COLEC10: variants seen among roughly 807,000 people sequenced by gnomAD.
COLEC10 encodes collectin-10.
Under a neutral mutation model 28.4 loss-of-function variants are expected in COLEC10, and 22 were observed. The observed-to-expected ratio is 0.78, with a 90% confidence interval of 0.55 to 1.11. The LOEUF (loss-of-function observed/expected upper bound fraction) is 1.11. COLEC10 is among the 50% of genes least tolerant of loss of function. The pLI is 0.00. For missense variants in COLEC10, 361 were observed against 344.1 expected, an observed-to-expected ratio of 1.05 and a Z score of -0.39; for synonymous variants, 125 against 116.1, an observed-to-expected ratio of 1.08 and a Z score of -0.49.
chr8:118,955,020 A>G, the COLEC10 span, among the ~76,000 whole-genome samples: 3,490 of 152,306 alleles, frequency 0.023, 123 homozygotes, highest in African/African-American at 0.078. Flanking sequence ...GAAAATTGGA[A>G]ATACCGGTTC....
intron 2 of COLEC10, among the ~76,000 whole-genome samples, chr8:119,056,562 T>C (rs1390854438): frequency 6.6e-6 from 1 of 152,002 alleles, no homozygotes; most frequent in African/African-American, 2.4e-5. Flanking sequence ...GGAGAAGTCA[T>C]GGTTGCTGGC....
chr8:119,080,586 A>G (rs1815348441), intron 1 of COLEC10, among the ~76,000 whole-genome samples: 1 of 152,164 alleles, frequency 6.6e-6, no homozygotes. Context: ...TAGGATTTAT[A>G]AAGAGATAAA....
chr8:119,106,069 G>A lies in COLEC10; in HGVS notation c.712G>A (p.Glu238Lys), dbSNP rs1349655533. The A allele has an allele frequency of 1.9e-6, 3 of 1,613,768 alleles. No individual in the cohort carries two copies. The highest frequency in any genetic ancestry group is 2.2e-5 in the East Asian group (1 of 44,886). The change falls in exon 6 of 6, where the codon GAA (glutamate) becomes AAA (lysine). Residue 238 changes from glutamate to lysine, a missense_variant. Around this residue, in one of 3 missense-constraint regions of COLEC10, gnomAD observed 335 missense variants for 308.5 expected, o/e 1.09. Transcript: ENST00000332843. ...LQNYSNWNEG[E>K]PSDPYGHEDC... is the part of the protein sequence containing the mutation. ...GAACTATAGCAACTGGAATGAGGGG[G>A]AACCCAGCGACCCCTATGGTCATGA...
chr8:119,013,595 C>G (rs1813938056), intron 2 of COLEC10, among the ~76,000 whole-genome samples: 1 of 150,782 alleles, frequency 6.6e-6, no homozygotes, highest in Non-Finnish European at 1.5e-5. Context: ...TCAACCATAA[C>G]AGTGGATTAA....
chr8:119,089,754 A>G lies in COLEC10; in HGVS notation c.220+3A>G. On this transcript the variant is annotated splice_donor_region_variant and intron_variant, in intron 2 of 5. Transcript: ENST00000332843. ...AGTGGGACGCATGGGGCCGAAAGGT[A>G]ACTAAAATGATGTGAAACTGACATT... 1 of 1,611,268 alleles carries G rather than the reference A, an allele frequency of 6.2e-7. No homozygotes were observed. Among genetic ancestry groups the G allele is most frequent in the Non-Finnish European group, 8.5e-7 (1 of 1,177,578 alleles).
At chr8:119,040,429 T>C (rs1263190510) in intron 2 of COLEC10, among the ~76,000 whole-genome samples, 1 of 152,200 alleles carries the variant, frequency 6.6e-6, no homozygotes, top group Admixed American at 6.5e-5. Flanking sequence ...AACTGTATTC[T>C]AAACCATAAG....
chr8:119,067,099 A>G (rs1814978961), upstream of COLEC10: 1 of 574,908 alleles, frequency 1.7e-6, no homozygotes, highest in Non-Finnish European at 3.1e-6. Flanking sequence ...TGGACAATGT[A>G]TGGTCCATTT....
the COLEC10 span, among the ~76,000 whole-genome samples, chr8:118,971,796 A>G: frequency 6.6e-6 from 1 of 152,014 alleles, no homozygotes; most frequent in African/African-American, 2.4e-5. Flanking sequence ...AGAGTAGTGT[A>G]GTGGTGTCAG....
intron 1 of COLEC10, among the ~76,000 whole-genome samples, chr8:119,079,705 CA>C (rs1401941047): frequency 7.2e-6 from 1 of 138,138 alleles, no homozygotes. Flanking sequence ...TTGAAAACGA[CA>C]AAAAAAGATA....
chr8:118,959,627 C>G, the COLEC10 span, among the ~76,000 whole-genome samples: 1 of 152,176 alleles, frequency 6.6e-6, no homozygotes. Flanking sequence ...GTGGAGACAG[C>G]TATTAGGTCA....
At chr8:118,983,815 G>A in the COLEC10 span, among the ~76,000 whole-genome samples, 7,808 of 152,060 alleles carry the variant, frequency 0.051, 309 homozygotes, top group East Asian at 0.17. Context: ...AATGGCTATT[G>A]TTAAAAAATA....
chr8:119,045,217 T>C (rs1814566533), intron 2 of COLEC10, among the ~76,000 whole-genome samples: 1 of 152,210 alleles, frequency 6.6e-6, no homozygotes, highest in Admixed American at 6.5e-5. Flanking sequence ...CAAAATAAGG[T>C]GGGAACAAAG....
intron 1 of COLEC10, among the ~76,000 whole-genome samples, chr8:119,086,333 C>A (rs1488880533): frequency 6.6e-6 from 1 of 152,126 alleles, no homozygotes; most frequent in Non-Finnish European, 1.5e-5. Flanking sequence ...TGTAAATTGT[C>A]CTACTCATCC....
At chr8:118,957,365 T>C in the COLEC10 span, among the ~76,000 whole-genome samples, 1 of 152,224 alleles carries the variant, frequency 6.6e-6, no homozygotes, top group Non-Finnish European at 1.5e-5. Context: ...GTGACGGCTA[T>C]GAAGGCCTAC....
chr8:119,041,886 G>T (rs766521625), intron 2 of COLEC10, among the ~76,000 whole-genome samples: 13 of 152,046 alleles, frequency 8.6e-5, no homozygotes, highest in Non-Finnish European at 1.5e-4. Context: ...AGCCATACAG[G>T]TTTGGTTCCT....
the COLEC10 span, among the ~76,000 whole-genome samples, chr8:118,958,722 C>G: frequency 6.6e-6 from 1 of 152,148 alleles, no homozygotes; most frequent in Non-Finnish European, 1.5e-5. Context: ...GATGTTTGTA[C>G]CTTGGTTAAT....
chr8:118,967,835 C>T, the COLEC10 span, among the ~76,000 whole-genome samples: 2 of 151,954 alleles, frequency 1.3e-5, no homozygotes, highest in Non-Finnish European at 2.9e-5. Context: ...ATTGAAAATG[C>T]CACAGCAGTC....
chr8:119,031,209 T>C (rs1814281583), intron 2 of COLEC10, among the ~76,000 whole-genome samples: 1 of 152,188 alleles, frequency 6.6e-6, no homozygotes, highest in African/African-American at 2.4e-5. Context: ...AGTGAATGAT[T>C]CTCAGTCACA....
In COLEC10 at chr8:119,012,950, G is replaced by T. The variant is rs532814799; in HGVS notation, n.235+3397G>T. Among the ~76,000 whole-genome samples the T allele has an allele frequency of 1.5e-4, 22 of 148,768 alleles. 1 individual carries two copies. Among genetic ancestry groups the T allele is most frequent in the Middle Eastern group, 6.8e-3 (2 of 294 alleles). On this transcript the variant is annotated intron_variant and non_coding_transcript_variant, in intron 2 of 6. Coordinates refer to the COLEC10 transcript ENST00000521788. ...GTGATGATTTCCCTATTAATATCTT[G>T]TTTTCAATTTTGTTAATTTCTGATC...
Sources: allele counts gnomAD v4.1 joint callset (sites outside exome capture counted in the v4.1 genomes callset), GRCh38; gene constraint gnomAD v4.1.1; regional missense constraint gnomAD v4.1.1; transcripts MANE v1.5; gene names NCBI Gene and HGNC (gene_info 2026-07-23, HGNC 2026-07-21).